ZNF804A: variants seen among roughly 807,000 people sequenced by gnomAD.
ZNF804A encodes the protein zinc finger protein 804A.
ZNF804A carries 2 observed loss-of-function variants against 16.5 expected under a neutral mutation model. The ratio of observed to expected loss-of-function variants is 0.12; its 90% CI spans 0.05 to 0.38. ZNF804A has a LOEUF of 0.38. ZNF804A is among the 10% of genes least tolerant of loss of function. ZNF804A has a pLI of 0.99. For missense variants in ZNF804A, 1,473 were observed against 1,390.7 expected, an observed-to-expected ratio of 1.06 and a Z score of -0.94; for synonymous variants, 534 against 489.6, an observed-to-expected ratio of 1.09 and a Z score of -1.20.
chr2:184,935,956 C>G lies in ZNF804A; in HGVS notation c.560C>G (p.Pro187Arg). ...TKDATTVAED[P>R]ESANNYTAKN... is the part of the protein sequence containing the mutation. ...GATGCTACCACTGTTGCTGAAGATC[C>G]AGAAAGTGCAAATAATTATACAGCA... Residue 187 changes from proline (P) to arginine (R), a missense_variant, in exon 4 of 4, where the codon CCA becomes CGA. Pro to Arg is a moderately radical substitution (Grantham distance 103). Coordinates refer to ENST00000302277, the MANE Select transcript of ZNF804A (RefSeq NM_194250.2). The G allele has an allele frequency of 6.2e-7, 1 of 1,613,858 alleles. No individual in the cohort carries two copies. The highest frequency in any genetic ancestry group is 8.5e-7 in the Non-Finnish European group (1 of 1,179,910).
chr2:184,696,349 A>G lies in ZNF804A; in HGVS notation c.111+97279A>G, dbSNP rs995982232. Among the ~76,000 whole-genome samples the G allele has an allele frequency of 5.9e-5, 9 of 152,280 alleles. No individual in the cohort carries two copies. The East Asian group carries it at 1.7e-3, about 29-fold the overall frequency. ...AAATCCAAGTTAGGATTGAAATCTC[A>G]TGTATGTAGAATCAAAGTCTGAAAT... is the stretch of plus-strand genomic sequence containing the variant. On this transcript the variant is annotated intron_variant, in intron 1 of 3. Transcript: ENST00000302277.
intron 1 of ZNF804A, among the ~76,000 whole-genome samples, chr2:184,601,366 A>G (rs1691043525): frequency 6.6e-6 from 1 of 152,046 alleles, no homozygotes; most frequent in South Asian, 2.1e-4. Flanking sequence ...ATAGGATGCT[A>G]TGAGCACTTA....
At chr2:184,671,736 G>T (rs1302676246) in intron 1 of ZNF804A, among the ~76,000 whole-genome samples, 2 of 152,182 alleles carry the variant, frequency 1.3e-5, no homozygotes, top group Non-Finnish European at 2.9e-5. Context: ...TCTTTGCAGA[G>T]CCACATTGGC....
intron 1 of ZNF804A, among the ~76,000 whole-genome samples, chr2:184,678,962 C>A (rs150846184): frequency 6.6e-6 from 1 of 151,902 alleles, no homozygotes; most frequent in African/African-American, 2.4e-5. Context: ...TGGAAACAAA[C>A]CATACATATT....
At chr2:184,600,022 GC>G (rs1406918299) in intron 1 of ZNF804A, among the ~76,000 whole-genome samples, 2 of 152,090 alleles carry the variant, frequency 1.3e-5, no homozygotes, top group African/African-American at 2.4e-5. Context: ...AAGTAGGGTG[GC>G]AATATGAAAA....
intron 1 of ZNF804A, among the ~76,000 whole-genome samples, chr2:184,617,225 G>C (rs1691339316): frequency 6.6e-6 from 1 of 151,980 alleles, no homozygotes; most frequent in South Asian, 2.1e-4. Context: ...AATAAATCTA[G>C]TTCTAGGTTA....
At chr2:184,755,486 A>G (rs1693945958) in intron 1 of ZNF804A, among the ~76,000 whole-genome samples, 1 of 151,958 alleles carries the variant, frequency 6.6e-6, no homozygotes, top group South Asian at 2.1e-4. Flanking sequence ...TTATTCACAT[A>G]TTTATGAGGC....
intron 1 of ZNF804A, among the ~76,000 whole-genome samples, chr2:184,775,874 T>C (rs572790394): frequency 1.3e-5 from 2 of 151,674 alleles, no homozygotes; most frequent in South Asian, 4.2e-4. Context: ...TTCAGTTAGG[T>C]ATTAGTATTT....
chr2:184,711,715 A>G (rs541267841), intron 1 of ZNF804A, among the ~76,000 whole-genome samples: 5 of 151,708 alleles, frequency 3.3e-5, no homozygotes, highest in East Asian at 3.9e-4. Context: ...AGTTTTCTCA[A>G]CACCATTTAT....
intron 1 of ZNF804A, among the ~76,000 whole-genome samples, chr2:184,691,152 A>G (rs1202612933): frequency 6.6e-6 from 1 of 152,138 alleles, no homozygotes; most frequent in Non-Finnish European, 1.5e-5. Flanking sequence ...CTTTTTCTTC[A>G]TATCATTTTC....
chr2:184,875,668 T>C (rs1237432349), intron 2 of ZNF804A, among the ~76,000 whole-genome samples: 1 of 151,956 alleles, frequency 6.6e-6, no homozygotes, highest in Admixed American at 6.6e-5. Context: ...TGTACTTAAT[T>C]CTCAATTTCA....
intron 1 of ZNF804A, among the ~76,000 whole-genome samples, chr2:184,615,467 T>C (rs956901323): frequency 6.6e-6 from 1 of 152,190 alleles, no homozygotes; most frequent in Admixed American, 6.5e-5. Flanking sequence ...TGACACTGCC[T>C]TTAACTCTCA....
chr2:184,853,317 C>T (rs1039314384), intron 1 of ZNF804A, among the ~76,000 whole-genome samples: 2 of 151,858 alleles, frequency 1.3e-5, no homozygotes, highest in Non-Finnish European at 2.9e-5. Context: ...TTAGTTCTAA[C>T]AGAACTTTGG....
chr2:184,777,082 T>G (rs1355978958), intron 1 of ZNF804A, among the ~76,000 whole-genome samples: 2 of 151,458 alleles, frequency 1.3e-5, no homozygotes, highest in African/African-American at 4.8e-5. Context: ...CTCAGAAAAT[T>G]TTGATGGTTG....
chr2:184,858,664 TA>T (rs1454246636), intron 1 of ZNF804A, among the ~76,000 whole-genome samples: 6 of 152,150 alleles, frequency 3.9e-5, no homozygotes, highest in Admixed American at 2.6e-4. Context: ...TTATTTTAAA[TA>T]TTTTTTTGAA....
intron 1 of ZNF804A, among the ~76,000 whole-genome samples, chr2:184,849,840 A>G (rs1386997311): frequency 6.6e-6 from 1 of 152,070 alleles, no homozygotes; most frequent in Admixed American, 6.6e-5. Context: ...AGATGAATGG[A>G]TAAAGAAAAT....
chr2:184,809,694 G>A (rs1242545589), intron 1 of ZNF804A, among the ~76,000 whole-genome samples: 1 of 151,732 alleles, frequency 6.6e-6, no homozygotes, highest in Non-Finnish European at 1.5e-5. Context: ...TTTTTAAGGT[G>A]GGGGTCAAAA....
intron 2 of ZNF804A, among the ~76,000 whole-genome samples, chr2:184,898,258 A>G (rs954336446): frequency 2.0e-5 from 3 of 152,150 alleles, no homozygotes; most frequent in Non-Finnish European, 4.4e-5. Flanking sequence ...TAAGTGAGTT[A>G]TATTCTCATA....
At chr2:184,684,649 T>G (rs1239372586) in intron 1 of ZNF804A, among the ~76,000 whole-genome samples, 1 of 152,128 alleles carries the variant, frequency 6.6e-6, no homozygotes, top group Non-Finnish European at 1.5e-5. Flanking sequence ...TGATGCTGAG[T>G]TTTGGGATAT....
Sources: allele counts gnomAD v4.1 joint callset (sites outside exome capture counted in the v4.1 genomes callset), GRCh38; gene constraint gnomAD v4.1.1; transcripts MANE v1.5; gene names NCBI Gene and HGNC (gene_info 2026-07-23, HGNC 2026-07-21).